The following APBA2 variants were observed in gnomAD, a reference collection of about 807,000 sequenced individuals.
APBA2 encodes the protein amyloid beta precursor protein binding family A member 2.
In APBA2, 30 loss-of-function variants were observed where a neutral mutation model predicts 75.0. The observed-to-expected ratio is 0.40, with a 90% CI of 0.30 to 0.54. The LOEUF is 0.54. Ranked by LOEUF, APBA2 falls within the 20% of genes least tolerant of loss-of-function variation. The pLI, the probability that APBA2 is intolerant of heterozygous loss-of-function variation, is 0.49. For missense variants in APBA2, 801 were observed against 1,016.1 expected, an observed-to-expected ratio of 0.79 and a Z score of 2.88; for synonymous variants, 444 against 409.6, an observed-to-expected ratio of 1.08 and a Z score of -1.01.
intron 3 of APBA2, among the ~76,000 whole-genome samples, chr15:28,998,451 A>G (rs562070298): frequency 1.5e-4 from 23 of 152,250 alleles, no homozygotes; most frequent in African/African-American, 4.8e-4. Flanking sequence ...CCCCGTATGG[A>G]TGCATATAAA....
At position 29,117,194 on chromosome 15, in the gene APBA2, C is replaced by G; in HGVS notation, c.*61C>G. On this transcript the variant is annotated 3_prime_UTR_variant, in exon 15 of 15. Transcript: ENST00000683413. ...GCAGGGCCGCCCGGGCCCAGAGGAG[C>G]TGGGAGCCGGGCCGCAGACTTGACC... is the stretch of plus-strand genomic sequence containing the variant. 1 of 1,540,900 alleles carries G rather than the reference C, an allele frequency of 6.5e-7. No homozygotes were observed. Among genetic ancestry groups the G allele is most frequent in the South Asian group, 1.1e-5 (1 of 89,660 alleles).
intron 2 of APBA2, among the ~76,000 whole-genome samples, chr15:28,973,752 A>G (rs2037192940): frequency 6.6e-6 from 1 of 152,244 alleles, no homozygotes; most frequent in Non-Finnish European, 1.5e-5. Context: ...AATAAAAATA[A>G]TAGTTGGAGT....
In APBA2 at chr15:29,117,307, GGTATGTCTT is replaced by G; in HGVS notation, c.*175_*183del. ...GATTTTTTTCATTTTGCCAAAAAGG[GGTATGTCTT>G]TATCAAAGGAGAGTCACAGAACAAA... On this transcript the variant is annotated 3_prime_UTR_variant, in exon 15 of 15. Transcript: ENST00000683413. 1.6e-5 allele frequency: 10 copies of G among 626,050 alleles called. No homozygotes were observed. The highest frequency in any genetic ancestry group is 2.8e-5 in the Admixed American group (1 of 35,830). 38.8% of individuals were successfully genotyped at this position (626,050 alleles called of 1,614,324 possible).
At chr15:28,943,101 A>G (rs1410470891) in intron 2 of APBA2, among the ~76,000 whole-genome samples, 1 of 152,186 alleles carries the variant, frequency 6.6e-6, no homozygotes, top group Non-Finnish European at 1.5e-5. Context: ...TTTGAAAACT[A>G]CCATTCAGAA....
intron 3 of APBA2, among the ~76,000 whole-genome samples, chr15:29,028,919 G>A (rs1021300839): frequency 5.9e-5 from 9 of 152,060 alleles, no homozygotes; most frequent in Non-Finnish European, 8.8e-5. Context: ...CCTTTGCCAG[G>A]TGGCTAGATT....
In APBA2 at chr15:29,029,408, G is replaced by T. The variant is rs191715208; in HGVS notation, c.-40-24437G>T. ...TAATTTGGCCATATCCCCTAGTTGTGATATCTAATTTTTTGTTCATGTCTA... is the reference window on the plus strand; with the variant it reads ...TAATTTGGCCATATCCCCTAGTTGTTATATCTAATTTTTTGTTCATGTCTA... On this transcript the variant is annotated intron_variant, in intron 3 of 14. Transcript: ENST00000683413. Among the ~76,000 whole-genome samples, 887 of 151,588 alleles carry T rather than the reference G, an allele frequency of 5.9e-3. 9 individuals carry two copies. The highest frequency in any genetic ancestry group is 9.2e-3 in the Non-Finnish European group (627 of 67,928).
intron 2 of APBA2, among the ~76,000 whole-genome samples, chr15:28,936,956 C>G (rs2034911355): frequency 6.6e-6 from 1 of 152,182 alleles, no homozygotes; most frequent in South Asian, 2.1e-4. Context: ...CTCCCTCCCT[C>G]CAGTCTGCGA....
At chr15:28,937,161 C>T (rs1254568303) in intron 2 of APBA2, among the ~76,000 whole-genome samples, 2 of 152,064 alleles carry the variant, frequency 1.3e-5, no homozygotes, top group East Asian at 3.9e-4. Flanking sequence ...ATCCACCCCT[C>T]TATACCGGGG....
rs765758239 is a variant in APBA2 at position 29,098,572 on chromosome 15, C to T, written c.1334C>T (p.Thr445Met). The T allele has an allele frequency of 2.8e-5, 45 of 1,612,474 alleles. No individual in the cohort carries two copies. Among genetic ancestry groups the T allele is most frequent in the Middle Eastern group, 1.6e-4 (1 of 6,080 alleles). The change falls in exon 9 of 15, where the codon ACG becomes ATG. Residue 445 changes from threonine to methionine, a missense_variant. By Grantham distance (81) the Thr-to-Met change is moderately conservative (BLOSUM62 -1). Coordinates refer to ENST00000683413, the MANE Select transcript of APBA2 (RefSeq NM_001353788.2). Reference sequence around the variant, plus strand: ...AGGATCAAGGTTTTAAATGCAGACACGCAGGTAAGCGTTTAAGACAGTTGT... The same window carrying T: ...AGGATCAAGGTTTTAAATGCAGACATGCAGGTAAGCGTTTAAGACAGTTGT... ...TQRIKVLNAD[T>M]QETMMDHALR...
At chr15:28,924,158 T>A (rs549717990) in intron 2 of APBA2, among the ~76,000 whole-genome samples, 1 of 152,292 alleles carries the variant, frequency 6.6e-6, no homozygotes, top group African/African-American at 2.4e-5. Flanking sequence ...GCCCTGGTGC[T>A]GTTGCTTTCC....
Position 29,054,325 on chromosome 15 carries a change from G to C in APBA2, c.441G>C (p.Pro147=), listed in dbSNP as rs375569614. ...AGGAGTGGACGGACTCGGCGGGCCC[G>C]CACCCCCACGGCCACGAGGCTGAAG... is the stretch of plus-strand genomic sequence containing the variant. ...AVEEWTDSAG[P]HPHGHEAEGS... is the part of the protein sequence containing the mutation. Residue 147 remains proline (P), a synonymous_variant, in exon 4 of 15, where the codon CCG becomes CCC. Transcript: ENST00000683413. This position sits in a 1 kb window ranked among gnomAD's most constrained non-coding sequence, Gnocchi z 6.1. The C allele has an allele frequency of 2.5e-5, 40 of 1,613,772 alleles. No individual in the cohort carries two copies. The highest frequency in any genetic ancestry group is 3.4e-5 in the Non-Finnish European group (40 of 1,180,000).
intron 4 of APBA2, among the ~76,000 whole-genome samples, chr15:29,071,973 C>T (rs748025304): frequency 4.6e-5 from 7 of 152,058 alleles, no homozygotes; most frequent in Non-Finnish European, 1.0e-4. Context: ...CCCAGCCAAG[C>T]CTTGAGCCCT....
intron 1 of APBA2, among the ~76,000 whole-genome samples, chr15:28,895,042 A>G (rs1048421420): frequency 1.3e-5 from 2 of 152,068 alleles, no homozygotes; most frequent in African/African-American, 4.8e-5. Context: ...GTTTAATTTT[A>G]CCCTTTAGAG....
intron 1 of APBA2, among the ~76,000 whole-genome samples, chr15:28,909,389 C>G (rs2033312417): frequency 2.0e-5 from 3 of 152,218 alleles, no homozygotes; most frequent in Non-Finnish European, 2.9e-5. Flanking sequence ...TGGCTTCTTT[C>G]ACTTCGCGTG....
intron 6 of APBA2, among the ~76,000 whole-genome samples, chr15:29,081,683 C>G (rs1295231614): frequency 6.6e-6 from 1 of 152,204 alleles, no homozygotes; most frequent in Non-Finnish European, 1.5e-5. Context: ...TGGCTCTGTA[C>G]TTAGCTTTTT....
rs1234874635 is a variant in APBA2, at chr15:29,118,202, C to A, written c.*1069C>A. On this transcript the variant is annotated 3_prime_UTR_variant, in exon 15 of 15. Transcript: ENST00000683413. ...CACTGTGACTTAAGAAGCCTTACCA[C>A]GCAGTAACTAAAGCTTTAGGATGAC... 1 of 152,626 alleles carries A rather than the reference C, an allele frequency of 6.6e-6. No homozygotes were observed. Among genetic ancestry groups the A allele is most frequent in the Non-Finnish European group, 1.5e-5 (1 of 68,044 alleles). The allele number at this position is 152,626 out of a possible 1,614,324, so 9.5% of individuals were successfully genotyped here.
At position 29,038,665 on chromosome 15, in the gene APBA2, ATTTTTTT is replaced by A. The variant is rs67217686; in HGVS notation, c.-40-15162_-40-15156del. 1.8e-3 allele frequency among the ~76,000 whole-genome samples: 192 copies of A among 105,468 alleles called. 1 individual carries two copies. Among genetic ancestry groups the A allele is most frequent in the African/African-American group, 6.4e-3 (174 of 27,170 alleles). The allele number at this position is 105,468 out of a possible 152,430, so 69.2% of individuals were successfully genotyped here. A position where few individuals can be genotyped will look rare whatever the true frequency, so the allele number is the denominator to read the frequency against. On this transcript the variant is annotated intron_variant, in intron 3 of 14. Transcript: ENST00000683413. Reference sequence around the variant, plus strand: ...ATTTGGCTCTGTCCTATATGCAGGCATTTTTTTTTTTTTTTTTTTTTTTTCTGAGACG... The same window carrying A: ...ATTTGGCTCTGTCCTATATGCAGGCATTTTTTTTTTTTTTTTTCTGAGACG...
chr15:29,117,433 G>T lies in APBA2; in HGVS notation c.*300G>T. Reference sequence around the variant, plus strand: ...GGGTGTGTCTCGGTAGCTGTGCGTGGTGTGGAGTGTGTGTCTTTCCTCCCT... The same window carrying T: ...GGGTGTGTCTCGGTAGCTGTGCGTGTTGTGGAGTGTGTGTCTTTCCTCCCT... On this transcript the variant is annotated 3_prime_UTR_variant, in exon 15 of 15. Transcript: ENST00000683413. 2 of 471,032 alleles carry T rather than the reference G, an allele frequency of 4.2e-6. No homozygotes were observed. Among genetic ancestry groups the T allele is most frequent in the South Asian group, 4.3e-5 (2 of 46,750 alleles). 29.2% of individuals were successfully genotyped at this position (471,032 alleles called of 1,614,324 possible).
chr15:28,911,985 C>T (rs182165625), intron 1 of APBA2, among the ~76,000 whole-genome samples: 7 of 152,298 alleles, frequency 4.6e-5, no homozygotes, highest in East Asian at 3.9e-4. Context: ...GCATCATCTT[C>T]GGAAATCCTA....
Sources: gnomAD v4.1 joint callset for allele counts (sites outside exome capture counted in the v4.1 genomes callset) on GRCh38, gnomAD v4.1.1 for gene constraint, Gnocchi (gnomAD v3.1) non-coding constraint, MANE v1.5 for transcripts, NCBI Gene and HGNC (gene_info 2026-07-23, HGNC 2026-07-21) for gene names.